The following MAGI2 variants were observed in gnomAD, a reference collection of about 807,000 sequenced individuals.
MAGI2 encodes the protein membrane associated guanylate kinase, WW and PDZ domain containing 2, also known as membrane-associated guanylate kinase, WW and PDZ domain-containing protein 2.
A neutral mutation model predicts 133.3 loss-of-function variants in MAGI2; 35 were observed. That is an observed-to-expected ratio of 0.26 (90% confidence interval 0.20 to 0.35). MAGI2 has a LOEUF of 0.35. MAGI2 is among the 10% of genes least tolerant of loss of function. MAGI2 has a pLI of 1.00. For missense variants in MAGI2, 1,636 were observed against 1,863.4 expected (o/e 0.88, Z 2.25); for synonymous variants, 729 against 710.6 (o/e 1.03, Z -0.41).
At position 78,502,883 on chromosome 7, in the gene MAGI2, G is replaced by A. The variant is rs114190039; in HGVS notation, c.755-1096C>T. 2.0e-3 allele frequency among the ~76,000 whole-genome samples: 311 copies of A among 152,194 alleles called. 2 individuals are homozygous for A. The highest frequency in any genetic ancestry group is 7.0e-3 in the African/African-American group (292 of 41,538). ...AGAAATAAGTCGACAAACAATAGAA[G>A]AAAATTTATCTAAGATGAAGAAACA... On this transcript the variant is annotated intron_variant, in intron 4 of 21. Coordinates refer to ENST00000354212, the MANE Select transcript of MAGI2 (RefSeq NM_012301.4).
At chr7:79,087,575 A>G (rs763145462) in intron 1 of MAGI2, among the ~76,000 whole-genome samples, 4 of 151,968 alleles carry the variant, frequency 2.6e-5, no homozygotes, top group South Asian at 2.1e-4. Context: ...CTCATGTGTT[A>G]TATGTTACTC....
At chr7:78,476,293 C>A (rs1245566519) in intron 6 of MAGI2, among the ~76,000 whole-genome samples, 1 of 151,870 alleles carries the variant, frequency 6.6e-6, no homozygotes, top group African/African-American at 2.4e-5. Context: ...GAGAGTAAAT[C>A]AGCCTCAAAG....
chr7:78,231,315 G>T (rs1376725224), intron 10 of MAGI2, among the ~76,000 whole-genome samples: 1 of 152,188 alleles, frequency 6.6e-6, no homozygotes, highest in Non-Finnish European at 1.5e-5. Flanking sequence ...TTCCTCCATG[G>T]AGAGGAATAC....
At chr7:79,438,347 T>C (rs1334349754) in intron 1 of MAGI2, among the ~76,000 whole-genome samples, 1 of 152,150 alleles carries the variant, frequency 6.6e-6, no homozygotes, top group African/African-American at 2.4e-5. Context: ...CTTAATTTTG[T>C]CAACTCACCA....
chr7:78,297,169 G>T (rs1021620139), intron 9 of MAGI2, among the ~76,000 whole-genome samples: 1 of 152,140 alleles, frequency 6.6e-6, no homozygotes, highest in Non-Finnish European at 1.5e-5. Flanking sequence ...AAAGAGTACC[G>T]AAGGGAAAGG....
chr7:78,425,370 A>G (rs1799186720), intron 6 of MAGI2, among the ~76,000 whole-genome samples: 1 of 152,152 alleles, frequency 6.6e-6, no homozygotes, highest in Non-Finnish European at 1.5e-5. Flanking sequence ...TCAATTGCCC[A>G]GTCTTGGGTG....
intron 2 of MAGI2, among the ~76,000 whole-genome samples, chr7:78,772,497 C>G (rs1268503983): frequency 6.6e-6 from 1 of 152,168 alleles, no homozygotes; most frequent in African/African-American, 2.4e-5. Context: ...ATCCTTGCCA[C>G]AAAAGATAAC....
At chr7:78,835,198 A>G (rs569767466) in intron 2 of MAGI2, among the ~76,000 whole-genome samples, 1 of 152,316 alleles carries the variant, frequency 6.6e-6, no homozygotes, top group South Asian at 2.1e-4. Context: ...TCCCACCAGC[A>G]ACGTACAAAG....
At chr7:78,668,195 T>C (rs1276321808) in intron 2 of MAGI2, among the ~76,000 whole-genome samples, 3 of 152,192 alleles carry the variant, frequency 2.0e-5, no homozygotes, top group Admixed American at 2.0e-4. Context: ...TGTCTTCTTT[T>C]GAGAAGTGTC....
intron 10 of MAGI2, among the ~76,000 whole-genome samples, chr7:78,245,539 T>C (rs1379662048): frequency 1.3e-5 from 2 of 151,508 alleles, no homozygotes; most frequent in African/African-American, 4.9e-5. Flanking sequence ...CTAGTGCACA[T>C]CAAAGGAGTG....
intron 1 of MAGI2, among the ~76,000 whole-genome samples, chr7:79,437,763 C>T (rs1216120222): frequency 1.3e-5 from 2 of 152,040 alleles, no homozygotes; most frequent in Non-Finnish European, 2.9e-5. Context: ...ATAAAAGCAG[C>T]ATTGTCAAAG....
At chr7:78,513,859 C>T (rs185794619) in intron 4 of MAGI2, among the ~76,000 whole-genome samples, 3 of 151,962 alleles carry the variant, frequency 2.0e-5, no homozygotes, top group Non-Finnish European at 4.4e-5. Context: ...GAGGCTGAGG[C>T]GGGTGGATCA....
At chr7:78,406,496 AT>A (rs1797387927) in intron 6 of MAGI2, among the ~76,000 whole-genome samples, 2 of 152,186 alleles carry the variant, frequency 1.3e-5, no homozygotes, top group African/African-American at 4.8e-5. Flanking sequence ...GATAGAAAAA[AT>A]ATGATTTTAA....
At chr7:78,871,355 G>A (rs1284671243) in intron 2 of MAGI2, among the ~76,000 whole-genome samples, 2 of 151,966 alleles carry the variant, frequency 1.3e-5, no homozygotes, top group East Asian at 3.9e-4. Flanking sequence ...GGGGACTCAG[G>A]GGGTGAGGGA....
chr7:79,337,895 G>A (rs1231560692), intron 1 of MAGI2, among the ~76,000 whole-genome samples: 1 of 152,020 alleles, frequency 6.6e-6, no homozygotes, highest in Non-Finnish European at 1.5e-5. Context: ...GTGTATGCTT[G>A]CTTCAGCATT....
intron 4 of MAGI2, among the ~76,000 whole-genome samples, chr7:78,514,194 C>T (rs1053173686): frequency 1.4e-5 from 2 of 143,942 alleles, no homozygotes; most frequent in Non-Finnish European, 3.0e-5. Context: ...ACTTCTAAAA[C>T]TAGTCCTGAT....
At chr7:79,420,829 G>A (rs1216726122) in intron 1 of MAGI2, among the ~76,000 whole-genome samples, 1 of 151,926 alleles carries the variant, frequency 6.6e-6, no homozygotes, top group Non-Finnish European at 1.5e-5. Context: ...TATGAACTTG[G>A]ACATTTCTGT....
chr7:78,831,685 CCA>C (rs1791167426), intron 2 of MAGI2, among the ~76,000 whole-genome samples: 1 of 152,152 alleles, frequency 6.6e-6, no homozygotes, highest in South Asian at 2.1e-4. Context: ...CTCCCAGCCT[CCA>C]TTGTTTCAAT....
chr7:78,588,968 T>C (rs1173792109), intron 3 of MAGI2, among the ~76,000 whole-genome samples: 5 of 152,126 alleles, frequency 3.3e-5, no homozygotes, highest in Admixed American at 1.3e-4. Flanking sequence ...ACTGAACAAG[T>C]AGGAATTCCC....
Sources: gnomAD v4.1 joint callset for allele counts (sites outside exome capture counted in the v4.1 genomes callset) on GRCh38, gnomAD v4.1.1 for gene constraint, MANE v1.5 for transcripts, NCBI Gene and HGNC (gene_info 2026-07-23, HGNC 2026-07-21) for gene names.